LSM11: variants seen among roughly 807,000 people sequenced by gnomAD.
LSM11 encodes the protein U7 snRNA-associated Sm-like protein LSm11.
Under a neutral mutation model 28.1 loss-of-function variants are expected in LSM11, and 14 were observed. The observed-to-expected ratio is 0.50, with a 90% confidence interval of 0.33 to 0.78. LSM11 has a LOEUF of 0.78. Ranked by LOEUF, LSM11 falls within the 30% of genes least tolerant of loss-of-function variation. The probability of loss-of-function intolerance (pLI) is 0.02; values close to 1 mark genes in which losing one functional copy is unlikely to be tolerated. For synonymous variants in LSM11, 207 were observed against 214.2 expected, an observed-to-expected ratio of 0.97 and a Z score of 0.30; for missense variants, 495 against 510.6, an observed-to-expected ratio of 0.97 and a Z score of 0.30.
chr5:157,757,917 CCAA>C lies in LSM11; in HGVS notation c.*2656_*2658del, dbSNP rs1433801042. Reference sequence around the variant, plus strand: ...TAAGGATTGATTTACCATTTTTTGCCCAACATGACAATTCTGGCTATGAAAATT... The same window carrying C: ...TAAGGATTGATTTACCATTTTTTGCCCATGACAATTCTGGCTATGAAAATT... On this transcript the variant is annotated 3_prime_UTR_variant, in exon 4 of 4. Coordinates refer to ENST00000286307, the MANE Select transcript of LSM11 (RefSeq NM_173491.4). 3 of 152,016 alleles carry C rather than the reference CCAA, an allele frequency of 2.0e-5. No homozygotes were observed. The highest frequency in any genetic ancestry group is 4.4e-5 in the Non-Finnish European group (3 of 67,998). The allele number at this position is 152,016 out of a possible 1,614,324, so 9.4% of individuals were successfully genotyped here.
chr5:157,744,256 A>G (rs1761112173), intron 1 of LSM11, 58 bp downstream of exon 1: 2 of 1,192,330 alleles, frequency 1.7e-6, no homozygotes, highest in Non-Finnish European at 2.1e-6. Flanking sequence ...CTGGCTGCCG[A>G]GGGGGCGTCT....
At chr5:157,749,553 T>C (rs571864264) in intron 1 of LSM11, among the ~76,000 whole-genome samples, 66 of 151,548 alleles carry the variant, frequency 4.4e-4, no homozygotes, top group African/African-American at 1.5e-3. Context: ...TGATTTAATA[T>C]GGCCTATAAC....
chr5:157,745,327 A>G (rs1463226362), intron 1 of LSM11, among the ~76,000 whole-genome samples: 1 of 152,184 alleles, frequency 6.6e-6, no homozygotes, highest in Non-Finnish European at 1.5e-5. Context: ...TTGTTTATTA[A>G]GAGAGAACAT....
At chr5:157,754,117 A>G (rs754656256) in intron 3 of LSM11, 30 bp downstream of exon 3, 1 of 1,418,834 alleles carries the variant, frequency 7.0e-7, no homozygotes, top group Non-Finnish European at 9.5e-7. Context: ...CCTCCTGAGT[A>G]GCCATCATGC....
chr5:157,755,561 G>A lies in LSM11; in HGVS notation c.*297G>A. 1.9e-6 allele frequency: 1 copy of A among 515,780 alleles called. No homozygotes were observed. Among genetic ancestry groups the A allele is most frequent in the East Asian group, 3.0e-5 (1 of 32,862 alleles). 32.0% of individuals were successfully genotyped at this position (515,780 alleles called of 1,614,324 possible). A position where few individuals can be genotyped will look rare whatever the true frequency, so the allele number is the denominator to read the frequency against. On this transcript the variant is annotated 3_prime_UTR_variant, in exon 4 of 4. Transcript: ENST00000286307. ...ATATCTGATCTTCCATTAGACTTAG[G>A]GGTCATGATATGAGTGGAATTTACA...
chr5:157,746,299 A>G (rs886158630), intron 1 of LSM11, among the ~76,000 whole-genome samples: 5 of 152,256 alleles, frequency 3.3e-5, no homozygotes, highest in African/African-American at 1.2e-4. Context: ...AAATATTCAC[A>G]TAAAATGTAA....
intron 2 of LSM11, 152 bp from the exon 3 acceptor site, chr5:157,753,852 C>A (rs774491434): frequency 2.1e-5 from 9 of 437,232 alleles, no homozygotes; most frequent in Non-Finnish European, 3.6e-5. Flanking sequence ...CCAGGTGTCA[C>A]CATTTTCTTC....
At chr5:157,751,077 C>T (rs912059717) in intron 1 of LSM11, among the ~76,000 whole-genome samples, 3 of 152,138 alleles carry the variant, frequency 2.0e-5, no homozygotes, top group African/African-American at 7.2e-5. Flanking sequence ...CCACCACGCC[C>T]GGCCAACCCC....
intron 2 of LSM11, among the ~76,000 whole-genome samples, chr5:157,752,639 A>G (rs1581452072): frequency 6.6e-6 from 1 of 150,976 alleles, no homozygotes; most frequent in African/African-American, 2.4e-5. Flanking sequence ...TGAGGCCAGG[A>G]GTTCAAGACC....
intron 1 of LSM11, among the ~76,000 whole-genome samples, chr5:157,749,580 GCA>G (rs918151292): frequency 1.1e-4 from 9 of 84,260 alleles, no homozygotes; most frequent in Non-Finnish European, 1.7e-4. Flanking sequence ...ACACGCGCGC[GCA>G]CGCGCGCACA....
intron 1 of LSM11, among the ~76,000 whole-genome samples, chr5:157,745,973 A>G (rs934253598): frequency 4.1e-4 from 62 of 152,218 alleles, no homozygotes; most frequent in African/African-American, 1.5e-3. Context: ...GGGTACTGTG[A>G]TCACTACCTG....
intron 1 of LSM11, among the ~76,000 whole-genome samples, chr5:157,746,305 T>C (rs1023884543): frequency 1.2e-4 from 19 of 152,172 alleles, no homozygotes; most frequent in Non-Finnish European, 2.4e-4. Flanking sequence ...TCACATAAAA[T>C]GTAAGTTCCA....
chr5:157,746,777 G>A (rs777251693), intron 1 of LSM11, among the ~76,000 whole-genome samples: 1 of 152,274 alleles, frequency 6.6e-6, no homozygotes, highest in East Asian at 1.9e-4. Flanking sequence ...GGGCATGGCA[G>A]CATCTGCCTC....
intron 2 of LSM11, 123 bp downstream of exon 2, chr5:157,751,652 A>G: frequency 1.8e-6 from 2 of 1,113,146 alleles, no homozygotes; most frequent in Non-Finnish European, 2.6e-6. Flanking sequence ...AAGAACTAGA[A>G]TTTTTGCATA....
rs947908888 is a variant in LSM11, at chr5:157,756,360, A to G, written c.*1096A>G. 1 of 152,656 alleles carries G rather than the reference A, an allele frequency of 6.6e-6. No individual in the cohort carries two copies. Among genetic ancestry groups the G allele is most frequent in the African/African-American group, 2.4e-5 (1 of 41,458 alleles). 9.5% of individuals were successfully genotyped at this position (152,656 alleles called of 1,614,324 possible). A position where few individuals can be genotyped will look rare whatever the true frequency, so the allele number is the denominator to read the frequency against. ...CAACAGGAACACCATAGCACCCACA[A>G]ATACTTCTACTTGAATCATATTCTG... On this transcript the variant is annotated 3_prime_UTR_variant, in exon 4 of 4. Transcript: ENST00000286307.
intron 1 of LSM11, among the ~76,000 whole-genome samples, chr5:157,749,810 T>C (rs565353639): frequency 1.1e-3 from 161 of 152,350 alleles, no homozygotes; most frequent in African/African-American, 3.5e-3. Flanking sequence ...CATTTTCTTC[T>C]AAGAATCTTT....
chr5:157,744,154 G>A lies in LSM11; in HGVS notation c.404G>A (p.Gly135Asp). 2 of 1,434,606 alleles carry A rather than the reference G, an allele frequency of 1.4e-6. No homozygotes were observed. Among genetic ancestry groups the A allele is most frequent in the African/African-American group, 1.5e-5 (1 of 68,302 alleles). The allele number at this position is 1,434,606 out of a possible 1,614,324, so 88.9% of individuals were successfully genotyped here. ...GCAGGAGCGGGCCGGAGGGGTCCGG[G>A]TCGGAGCAGGAAGGCGCCACGCAAC... Reference protein sequence around the residue: ...GAAGAGRRGPGRSRKAPRNVL... With the variant: ...GAAGAGRRGPDRSRKAPRNVL... Residue 135 changes from glycine to aspartate, a missense_variant, in exon 1 of 4, where the codon GGT becomes GAT. Gly to Asp is a moderately conservative substitution (Grantham distance 94). Coordinates refer to ENST00000286307, the MANE Select transcript of LSM11 (RefSeq NM_173491.4).
rs896001334 is a variant in LSM11 at position 157,757,404 on chromosome 5, C to A, written c.*2140C>A. 5.3e-5 allele frequency: 8 copies of A among 152,126 alleles called. No individual in the cohort carries two copies. The highest frequency in any genetic ancestry group is 8.8e-5 in the Non-Finnish European group (6 of 68,026). 9.4% of individuals were successfully genotyped at this position (152,126 alleles called of 1,614,324 possible). On this transcript the variant is annotated 3_prime_UTR_variant, in exon 4 of 4. Coordinates refer to ENST00000286307, the MANE Select transcript of LSM11 (RefSeq NM_173491.4). ...TCATTATCAGAAAGAATCCCCTGAA[C>A]TTTTCAAGGGGTTTATATGGTAGCA...
chr5:157,753,533 C>T (rs1233663119), intron 2 of LSM11, among the ~76,000 whole-genome samples: 1 of 152,142 alleles, frequency 6.6e-6, no homozygotes, highest in African/African-American at 2.4e-5. Flanking sequence ...TAATTGCTTT[C>T]ATAAGACATA....
Sources: allele counts gnomAD v4.1 joint callset (sites outside exome capture counted in the v4.1 genomes callset), GRCh38; gene constraint gnomAD v4.1.1; transcripts MANE v1.5; gene names NCBI Gene and HGNC (gene_info 2026-07-23, HGNC 2026-07-21).